MAML3: variants seen among roughly 807,000 people sequenced by gnomAD.
The protein encoded by MAML3 is mastermind like transcriptional coactivator 3.
Under a neutral mutation model 101.9 loss-of-function variants are expected in MAML3, and 27 were observed. That is an observed-to-expected ratio of 0.27 (90% confidence interval 0.20 to 0.37). MAML3 has a LOEUF of 0.37. Ranked by LOEUF, MAML3 falls within the 10% of genes least tolerant of loss-of-function variation. The pLI is 1.00. For synonymous variants in MAML3, 501 were observed against 555.9 expected (o/e 0.90, Z 1.39); for missense variants, 1,316 against 1,444.9 (o/e 0.91, Z 1.45).
chr4:140,072,499 C>T (rs1252996756), intron 1 of MAML3, among the ~76,000 whole-genome samples: 2 of 151,848 alleles, frequency 1.3e-5, no homozygotes, highest in East Asian at 1.9e-4. Flanking sequence ...AAAGAAACCT[C>T]GTCTCTACTA....
chr4:140,114,054 A>G (rs1259022196), intron 1 of MAML3, among the ~76,000 whole-genome samples: 1 of 152,068 alleles, frequency 6.6e-6, no homozygotes, highest in African/African-American at 2.4e-5. Flanking sequence ...AGTCCTTCCC[A>G]TCTTCTCTGG....
chr4:139,811,867 G>A lies in MAML3; in HGVS notation c.2079+77490C>T, dbSNP rs141574385. On this transcript the variant is annotated intron_variant, in intron 2 of 4. Transcript: ENST00000509479. Reference sequence around the variant, plus strand: ...TTAACATAATTTTGGGAACTAGAAAGTGGATGAATGTGTGGTAACTAATTC... The same window carrying A: ...TTAACATAATTTTGGGAACTAGAAAATGGATGAATGTGTGGTAACTAATTC... Among the ~76,000 whole-genome samples, 63 of 152,348 alleles carry A rather than the reference G, an allele frequency of 4.1e-4. No homozygotes were observed. In the East Asian group the frequency reaches 0.011, roughly 26 times the overall value.
intron 1 of MAML3, among the ~76,000 whole-genome samples, chr4:139,985,598 T>C (rs1310191957): frequency 6.6e-6 from 1 of 152,214 alleles, no homozygotes; most frequent in Non-Finnish European, 1.5e-5. Flanking sequence ...GTTTATGTCA[T>C]TTAGCTAAGT....
rs756765677 is a variant in MAML3, at chr4:139,890,768, AGGTCAAGTT to A, written c.659_667del (p.Gln220_Asp222del). 36 of 1,613,930 alleles carry A rather than the reference AGGTCAAGTT, an allele frequency of 2.2e-5. No homozygotes were observed. The highest frequency in any genetic ancestry group is 3.0e-5 in the Non-Finnish European group (35 of 1,179,908). ...GTTCTGCAAGGGCAAAGAAGGTTTC[AGGTCAAGTT>A]GGTGAAGAGGAGAAGCTGAAGGCAG... On this transcript the variant is annotated inframe_deletion, in exon 2 of 5. Transcript: ENST00000509479. The surrounding 1 kb of genome is among the most constrained non-coding windows in gnomAD (Gnocchi z 4.1).
At chr4:140,094,173 G>T (rs1728110870) in intron 1 of MAML3, among the ~76,000 whole-genome samples, 2 of 152,330 alleles carry the variant, frequency 1.3e-5, no homozygotes, top group South Asian at 4.1e-4. Context: ...AGGTAAGGGG[G>T]AATTTGGGAG....
chr4:140,020,768 T>C (rs1420841066), intron 1 of MAML3, among the ~76,000 whole-genome samples: 1 of 152,152 alleles, frequency 6.6e-6, no homozygotes, highest in Non-Finnish European at 1.5e-5. Flanking sequence ...TTGCAAAACT[T>C]GCAAAGAGGA....
chr4:140,122,791 C>CAA lies in MAML3; in HGVS notation c.468+30067_468+30068dup, dbSNP rs35276329. 1.2e-3 allele frequency among the ~76,000 whole-genome samples: 102 copies of CAA among 82,910 alleles called. 1 individual carries two copies. The highest frequency in any genetic ancestry group is 4.2e-3 in the African/African-American group (101 of 23,868). The allele number at this position is 82,910 out of a possible 152,430, so 54.4% of individuals were successfully genotyped here. On this transcript the variant is annotated intron_variant, in intron 1 of 4. Transcript: ENST00000509479. ...TGGGCGACAGAGCGAGACTCCGTCT[C>CAA]AAAAAAAAAAAAAAAAAAAACCATT...
intron 1 of MAML3, among the ~76,000 whole-genome samples, chr4:139,920,707 T>A (rs1200728914): frequency 2.6e-5 from 4 of 152,172 alleles, no homozygotes; most frequent in African/African-American, 9.7e-5. Flanking sequence ...TAGAGCAGAA[T>A]TAAGTGTCTG....
intron 2 of MAML3, among the ~76,000 whole-genome samples, chr4:139,851,157 C>A (rs1428414398): frequency 6.6e-6 from 1 of 152,216 alleles, no homozygotes; most frequent in Admixed American, 6.5e-5. Context: ...TTACAGCCTT[C>A]TTTCTGGGGC....
chr4:140,083,932 G>GCA (rs142768616), intron 1 of MAML3, among the ~76,000 whole-genome samples: 32 of 126,006 alleles, frequency 2.5e-4, no homozygotes, highest in African/African-American at 9.3e-4. Context: ...ACACACGCGC[G>GCA]CACACACACA....
intron 2 of MAML3, among the ~76,000 whole-genome samples, chr4:139,741,851 A>T (rs1375715291): frequency 1.2e-4 from 18 of 152,158 alleles, no homozygotes; most frequent in Non-Finnish European, 7.4e-5. Context: ...TAATTGCCCT[A>T]TGCTGTATTT....
intron 1 of MAML3, among the ~76,000 whole-genome samples, chr4:139,955,415 A>AT (rs1236193175): frequency 2.0e-5 from 3 of 152,108 alleles, no homozygotes; most frequent in Non-Finnish European, 4.4e-5. Flanking sequence ...TTTTCCAGTC[A>AT]TCTTTTGGAA....
chr4:139,782,092 C>T (rs556709176), intron 2 of MAML3, among the ~76,000 whole-genome samples: 7 of 152,204 alleles, frequency 4.6e-5, no homozygotes, highest in African/African-American at 1.7e-4. Flanking sequence ...ATGCCCATCC[C>T]GTAAATCATG....
intron 2 of MAML3, among the ~76,000 whole-genome samples, chr4:139,806,629 A>T (rs1040388714): frequency 2.0e-5 from 3 of 152,198 alleles, no homozygotes; most frequent in Admixed American, 6.5e-5. Flanking sequence ...ACAGTCAGAA[A>T]TTCCACTGAA....
At chr4:139,995,998 A>C (rs1466112480) in intron 1 of MAML3, among the ~76,000 whole-genome samples, 1 of 152,016 alleles carries the variant, frequency 6.6e-6, no homozygotes, top group East Asian at 1.9e-4. Context: ...TTTCATTTTC[A>C]TTAAGTTCAA....
chr4:139,892,597 T>C (rs1008547313), intron 1 of MAML3, among the ~76,000 whole-genome samples: 2 of 63,330 alleles, frequency 3.2e-5, no homozygotes, highest in African/African-American at 8.5e-5. Context: ...TAATGCCACA[T>C]TTTCCAAAAA....
chr4:140,086,390 A>G (rs1727951973), intron 1 of MAML3, among the ~76,000 whole-genome samples: 1 of 152,222 alleles, frequency 6.6e-6, no homozygotes, highest in Admixed American at 6.5e-5. Context: ...TTTGTCCCAC[A>G]ATAGAGTTAA....
chr4:139,823,313 C>G (rs1731006322), intron 2 of MAML3, among the ~76,000 whole-genome samples: 1 of 152,208 alleles, frequency 6.6e-6, no homozygotes, highest in Non-Finnish European at 1.5e-5. Flanking sequence ...ATTGGGACTG[C>G]AGAGGCCAGC....
At chr4:140,095,037 G>GCC (rs1728133277) in intron 1 of MAML3, among the ~76,000 whole-genome samples, 1 of 152,180 alleles carries the variant, frequency 6.6e-6, no homozygotes, top group African/African-American at 2.4e-5. Flanking sequence ...CAGCAGAGGT[G>GCC]CCTCTCCGCA....
Sources: gnomAD v4.1 joint callset for allele counts (sites outside exome capture counted in the v4.1 genomes callset) on GRCh38, gnomAD v4.1.1 for gene constraint, Gnocchi (gnomAD v3.1) non-coding constraint, MANE v1.5 for transcripts, NCBI Gene and HGNC (gene_info 2026-07-23, HGNC 2026-07-21) for gene names.